The following SORCS3 variants were observed in gnomAD, a reference collection of about 807,000 sequenced individuals.
SORCS3 encodes the protein sortilin related VPS10 domain containing receptor 3.
A neutral mutation model predicts 146.3 loss-of-function variants in SORCS3; 57 were observed. The observed-to-expected ratio is 0.39, with a 90% CI of 0.31 to 0.49. The LOEUF (loss-of-function observed/expected upper bound fraction) is 0.49. Among genes scored for constraint, SORCS3 ranks in the 20% least tolerant of loss-of-function variants. SORCS3 has a pLI of 0.92. For synonymous variants in SORCS3, 653 were observed against 618.5 expected, an observed-to-expected ratio of 1.06 and a Z score of -0.83; for missense variants, 1,341 against 1,575.5, an observed-to-expected ratio of 0.85 and a Z score of 2.52.
chr10:104,958,200 C>T (rs961325239), intron 3 of SORCS3, among the ~76,000 whole-genome samples: 2 of 152,154 alleles, frequency 1.3e-5, no homozygotes, highest in Non-Finnish European at 2.9e-5. Flanking sequence ...GAATAAAACA[C>T]TCAACTTGGG....
At chr10:104,897,761 G>A (rs144328365) in intron 2 of SORCS3, among the ~76,000 whole-genome samples, 150 of 152,322 alleles carry the variant, frequency 9.8e-4, no homozygotes, top group African/African-American at 3.5e-3. Flanking sequence ...AAGTGAAGCA[G>A]TTGTTGGGTG....
intron 1 of SORCS3, among the ~76,000 whole-genome samples, chr10:104,824,816 C>G (rs1049456864): frequency 1.3e-5 from 2 of 152,154 alleles, no homozygotes; most frequent in African/African-American, 4.8e-5. Flanking sequence ...GCTGGGAGCT[C>G]TTTTAGCTCC....
chr10:104,728,021 T>TTCTATCTGTCTATCTA (rs1405160751), intron 1 of SORCS3, among the ~76,000 whole-genome samples: 1 of 146,598 alleles, frequency 6.8e-6, no homozygotes, highest in African/African-American at 2.5e-5. Flanking sequence ...TATATAACAG[T>TTCTATCTGTCTATCTA]TCTATCTATC....
Position 105,086,168 on chromosome 10 carries a change from A to C in SORCS3, c.1029-3607A>C, listed in dbSNP as rs182442282. 1.2e-4 allele frequency among the ~76,000 whole-genome samples: 18 copies of C among 152,302 alleles called. No individual in the cohort carries two copies. The East Asian group carries it at 3.3e-3, about 28-fold the overall frequency. ...TGATCACCTGATCACCATAGCCAAG[A>C]TGTCTCATGACCCTACTGGATCACG... On this transcript the variant is annotated intron_variant, in intron 5 of 26. Transcript: ENST00000369701.
chr10:104,703,153 C>T (rs2016300076), intron 1 of SORCS3, among the ~76,000 whole-genome samples: 1 of 152,110 alleles, frequency 6.6e-6, no homozygotes. Context: ...AAGTTGAAGT[C>T]TCAAGAAAGC....
chr10:105,218,920 C>A (rs1233872331), intron 19 of SORCS3, among the ~76,000 whole-genome samples: 1 of 152,078 alleles, frequency 6.6e-6, no homozygotes, highest in South Asian at 2.1e-4. Flanking sequence ...GAGGCTGAGG[C>A]AGGAGAATCG....
At chr10:104,898,868 A>G (rs1194443069) in intron 2 of SORCS3, among the ~76,000 whole-genome samples, 1 of 152,190 alleles carries the variant, frequency 6.6e-6, no homozygotes, top group Non-Finnish European at 1.5e-5. Context: ...TTGGGCTATG[A>G]TATGAGTGAG....
In SORCS3 at chr10:105,256,829, G is replaced by A; in HGVS notation, c.3348G>A (p.Val1116=). The A allele has an allele frequency of 6.2e-7, 1 of 1,613,654 alleles. No individual in the cohort carries two copies. The highest frequency in any genetic ancestry group is 8.5e-7 in the Non-Finnish European group (1 of 1,179,572). Residue 1116 remains valine (V), a synonymous_variant, in exon 25 of 27, where the codon GTG becomes GTA. Transcript: ENST00000369701. The part of the protein sequence containing the change: ...YVTQLTLAPL[V]DSSAGHSSSA... ...GTTCTTCTTTCCAAGCTCCATTGGTGGACTCCAGTGCTGGGCACAGCAGCT... is the reference window on the plus strand; with the variant it reads ...GTTCTTCTTTCCAAGCTCCATTGGTAGACTCCAGTGCTGGGCACAGCAGCT...
intron 1 of SORCS3, among the ~76,000 whole-genome samples, chr10:104,767,272 G>A (rs1455209278): frequency 6.6e-6 from 1 of 152,160 alleles, no homozygotes; most frequent in Non-Finnish European, 1.5e-5. Context: ...GGCAGTGTTT[G>A]TCCACTTAAT....
chr10:104,736,286 G>A (rs920049415), intron 1 of SORCS3, among the ~76,000 whole-genome samples: 1 of 152,178 alleles, frequency 6.6e-6, no homozygotes, highest in Non-Finnish European at 1.5e-5. Context: ...AGGAGGCCAC[G>A]GCGGGGCGGG....
intron 1 of SORCS3, among the ~76,000 whole-genome samples, chr10:104,821,020 G>T (rs985592738): frequency 6.6e-5 from 10 of 152,152 alleles, no homozygotes; most frequent in Non-Finnish European, 1.2e-4. Context: ...GATGTTTATG[G>T]CTTCATGGCA....
At chr10:104,853,127 A>C (rs573639648) in intron 2 of SORCS3, among the ~76,000 whole-genome samples, 1 of 152,280 alleles carries the variant, frequency 6.6e-6, no homozygotes, top group Admixed American at 6.5e-5. Context: ...GTGAAACCTC[A>C]TCTCTACTAA....
intron 8 of SORCS3, among the ~76,000 whole-genome samples, chr10:105,140,140 G>C (rs1325029284): frequency 2.0e-5 from 3 of 152,084 alleles, no homozygotes; most frequent in Non-Finnish European, 4.4e-5. Context: ...CACTTAATGA[G>C]GCTACAAAGG....
In SORCS3 at chr10:105,214,493, C is replaced by T. The variant is rs754770675; in HGVS notation, c.2427C>T (p.Tyr809=). ...NNCTDGLREK[Y]TAKAQMCPGK... ...GCACAGATGGGCTAAGGGAGAAGTA[C>T]ACCGCCAAGGCCCAGATGTGCCCTG... The change falls in exon 18 of 27, where the codon TAC becomes TAT. Residue 809 remains tyrosine, a synonymous_variant. Coordinates refer to ENST00000369701, the MANE Select transcript of SORCS3 (RefSeq NM_014978.3). The T allele has an allele frequency of 2.1e-5, 34 of 1,614,048 alleles. No homozygotes were observed. The South Asian group carries it at 3.6e-4, about 17-fold the overall frequency.
chr10:105,242,452 A>ATATATTTATATATT (rs1564793426), intron 20 of SORCS3, among the ~76,000 whole-genome samples: 8 of 78,058 alleles, frequency 1.0e-4, no homozygotes, highest in South Asian at 9.0e-4. Flanking sequence ...ATATATATTT[A>ATATATTTATATATT]TATATATTTA....
intron 3 of SORCS3, among the ~76,000 whole-genome samples, chr10:104,946,870 G>A (rs1278392128): frequency 1.3e-5 from 2 of 152,120 alleles, no homozygotes; most frequent in Non-Finnish European, 2.9e-5. Flanking sequence ...AGTCCTAGAG[G>A]AATAGAAGGC....
Position 105,157,293 on chromosome 10 carries a change from C to T in SORCS3, c.1629+9C>T. 1 of 1,613,612 alleles carries T rather than the reference C, an allele frequency of 6.2e-7. No individual in the cohort carries two copies. Among genetic ancestry groups the T allele is most frequent in the Non-Finnish European group, 8.5e-7 (1 of 1,179,674 alleles). The stretch of plus-strand genomic sequence containing the variant: ...CAGTGCACTGCCTGCTGGTCAGTCA[C>T]TCAGCCTCATGGGAAGTTCACAGGG... On this transcript the variant is annotated intron_variant, in intron 10 of 26. Transcript: ENST00000369701.
intron 2 of SORCS3, among the ~76,000 whole-genome samples, chr10:104,860,546 A>G (rs112898269): frequency 0.12 from 17,915 of 151,530 alleles, 1,941 homozygotes; most frequent in African/African-American, 0.29. Context: ...TTGTACACAT[A>G]TACCCTAAAA....
intron 1 of SORCS3, among the ~76,000 whole-genome samples, chr10:104,678,750 G>C (rs755243830): frequency 1.3e-5 from 2 of 152,160 alleles, no homozygotes; most frequent in Non-Finnish European, 2.9e-5. Flanking sequence ...AACATCTGTG[G>C]TATCCCTCAA....
Sources: allele counts gnomAD v4.1 joint callset (sites outside exome capture counted in the v4.1 genomes callset), GRCh38; gene constraint gnomAD v4.1.1; transcripts MANE v1.5; gene names NCBI Gene and HGNC (gene_info 2026-07-23, HGNC 2026-07-21).